The following DHX32 variants were observed in gnomAD, a reference collection of about 807,000 sequenced individuals.
DHX32 encodes the protein putative pre-mRNA-splicing factor ATP-dependent RNA helicase DHX32.
A neutral mutation model predicts 70.0 loss-of-function variants in DHX32; 51 were observed. That is an observed-to-expected ratio of 0.73 (90% CI 0.58 to 0.92). The LOEUF (loss-of-function observed/expected upper bound fraction) is 0.92, where lower values mean the gene tolerates loss of function less well. DHX32 is among the 40% of genes least tolerant of loss of function. The probability of loss-of-function intolerance (pLI) is 0.00; values close to 1 mark genes in which losing one functional copy is unlikely to be tolerated. For missense variants in DHX32, 762 were observed against 891.8 expected (o/e 0.85, Z 1.85); for synonymous variants, 310 against 315.3 (o/e 0.98, Z 0.18).
intron 1 of DHX32, among the ~76,000 whole-genome samples, chr10:125,895,807 G>A (rs1944479059): frequency 7.3e-6 from 1 of 136,616 alleles, no homozygotes. Flanking sequence ...CGGGGATGAC[G>A]GGGCAAAGCC....
chr10:125,860,086 A>G (rs1485062074), intron 2 of DHX32, 111 bp from the exon 3 acceptor site: 6 of 1,036,290 alleles, frequency 5.8e-6, no homozygotes, highest in Non-Finnish European at 6.7e-6. Context: ...CAGTAACTCT[A>G]AATTTTTACT....
intron 8 of DHX32, 26 bp from the exon 9 acceptor site, chr10:125,839,214 T>C: frequency 6.2e-7 from 1 of 1,606,536 alleles, no homozygotes; most frequent in Non-Finnish European, 8.5e-7. Context: ...CACAAGGCTA[T>C]TTAGAAATGA....
intron 1 of DHX32, among the ~76,000 whole-genome samples, chr10:125,874,465 AATATAAC>A (rs1449431275): frequency 6.9e-4 from 105 of 152,370 alleles, no homozygotes; most frequent in African/African-American, 2.5e-3. Flanking sequence ...GCTAGGTATT[AATATAAC>A]ATATAACATA....
At chr10:125,889,632 G>A (rs1944358344) in intron 1 of DHX32, among the ~76,000 whole-genome samples, 1 of 152,272 alleles carries the variant, frequency 6.6e-6, no homozygotes, top group South Asian at 2.1e-4. Context: ...TCTGGCACAA[G>A]CTCCGGATCT....
intron 6 of DHX32, among the ~76,000 whole-genome samples, chr10:125,846,743 C>T (rs1944026715): frequency 6.6e-6 from 1 of 152,196 alleles, no homozygotes; most frequent in Non-Finnish European, 1.5e-5. Context: ...ACTACTAACC[C>T]CAGTCACAGG....
intron 6 of DHX32, 144 bp from the exon 7 acceptor site, chr10:125,842,078 G>A (rs1055379738): frequency 9.3e-7 from 1 of 1,076,262 alleles, no homozygotes; most frequent in East Asian, 2.9e-5. Context: ...CAAATACCAG[G>A]GAGTGAAGGA....
chr10:125,879,324 C>A (rs1247624971), intron 1 of DHX32, among the ~76,000 whole-genome samples: 1 of 152,006 alleles, frequency 6.6e-6, no homozygotes, highest in African/African-American at 2.4e-5. Context: ...GCACCTGGCC[C>A]ACTATCCCGT....
intron 4 of DHX32, 27 bp from the exon 5 acceptor site, chr10:125,852,669 G>A (rs766216612): frequency 2.5e-6 from 4 of 1,578,664 alleles, no homozygotes; most frequent in South Asian, 1.2e-5. Context: ...AGCATCATTA[G>A]CGTCAGATAA....
At chr10:125,861,013 A>C (rs555692172) in intron 2 of DHX32, among the ~76,000 whole-genome samples, 2 of 151,726 alleles carry the variant, frequency 1.3e-5, no homozygotes, top group East Asian at 4.0e-4. Context: ...TGGCCTCCCA[A>C]AGTGCTGGGA....
chr10:125,867,209 A>G (rs1372445179), intron 1 of DHX32, 26 bp from the exon 2 acceptor site: 2 of 1,562,024 alleles, frequency 1.3e-6, no homozygotes, highest in Admixed American at 3.8e-5. Context: ...ATGAGACAGG[A>G]TCAGCTTCTG....
intron 3 of DHX32, among the ~76,000 whole-genome samples, chr10:125,856,794 C>A (rs970655147): frequency 4.2e-4 from 64 of 150,618 alleles, no homozygotes; most frequent in African/African-American, 1.4e-3. Context: ...AAAAAAAAAA[C>A]AAAAAACAAA....
At chr10:125,892,456 C>T (rs1387636235) in intron 1 of DHX32, among the ~76,000 whole-genome samples, 2 of 152,286 alleles carry the variant, frequency 1.3e-5, no homozygotes, top group African/African-American at 2.4e-5. Context: ...CCTTAGGTTC[C>T]TTCTGATTTG....
At position 125,880,571 on chromosome 10, in the gene DHX32, C is replaced by A; in HGVS notation, c.254G>T (p.Gly85Val). 6.2e-7 allele frequency: 1 copy of A among 1,612,192 alleles called. No homozygotes were observed. Among genetic ancestry groups the A allele is most frequent in the Non-Finnish European group, 8.5e-7 (1 of 1,178,656 alleles). Residue 85 changes from glycine (G) to valine (V), a missense_variant, in exon 1 of 11, where the codon GGA becomes GTA. Physicochemically the swap from Gly to Val is moderately radical, Grantham distance 109 (BLOSUM62 -3). Coordinates refer to ENST00000284690, the MANE Select transcript of DHX32 (RefSeq NM_018180.3). ...AGCGCTCTTACCACATTTAGCATCT[C>A]CTGAAACAATCACGATTTGATTTTG... ...LLQNQIVIVS[G>V]DAKCGKSAQV...
At chr10:125,838,624 C>G (rs927449373) in intron 9 of DHX32, among the ~76,000 whole-genome samples, 1 of 152,122 alleles carries the variant, frequency 6.6e-6, no homozygotes, top group African/African-American at 2.4e-5. Flanking sequence ...TAAAACAGTG[C>G]AGCTGTGAGG....
chr10:125,889,494 T>A (rs1022692323), intron 1 of DHX32, among the ~76,000 whole-genome samples: 1 of 152,226 alleles, frequency 6.6e-6, no homozygotes, highest in Admixed American at 6.5e-5. Flanking sequence ...TGCTGGTTTG[T>A]GGCAAGGTAA....
At chr10:125,853,561 T>C (rs969491794) in intron 4 of DHX32, 12 of 216,126 alleles carry the variant, frequency 5.6e-5, no homozygotes, top group Non-Finnish European at 1.1e-4. Flanking sequence ...AAGATACTAA[T>C]TACTCTGATA....
intron 1 of DHX32, among the ~76,000 whole-genome samples, chr10:125,870,606 G>A (rs191964089): frequency 2.1e-4 from 32 of 152,180 alleles, no homozygotes; most frequent in Admixed American, 9.8e-4. Flanking sequence ...AGGCCAAGGC[G>A]GGTGGATTAT....
chr10:125,853,810 A>G, intron 4 of DHX32, 151 bp downstream of exon 4: 3 of 850,378 alleles, frequency 3.5e-6, no homozygotes, highest in South Asian at 4.1e-5. Context: ...TACTGGCTGC[A>G]ATAATTCTTC....
Position 125,836,412 on chromosome 10 carries a change from C to T in DHX32, c.*275G>A. 1 of 1,473,642 alleles carries T rather than the reference C, an allele frequency of 6.8e-7. No individual in the cohort carries two copies. The highest frequency in any genetic ancestry group is 8.9e-7 in the Non-Finnish European group (1 of 1,117,908). 91.3% of individuals were successfully genotyped at this position (1,473,642 alleles called of 1,614,324 possible). A position where few individuals can be genotyped will look rare whatever the true frequency, so the allele number is the denominator to read the frequency against. On this transcript the variant is annotated 3_prime_UTR_variant, in exon 11 of 11. Transcript: ENST00000284690. ...AGGGTTCTGTCCCATGTGTCTCTGACACATTTACAAAATACCAGTTTTTTA... is the reference window on the plus strand; with the variant it reads ...AGGGTTCTGTCCCATGTGTCTCTGATACATTTACAAAATACCAGTTTTTTA...
Sources: gnomAD v4.1 joint callset for allele counts (sites outside exome capture counted in the v4.1 genomes callset) on GRCh38, gnomAD v4.1.1 for gene constraint, MANE v1.5 for transcripts, NCBI Gene and HGNC (gene_info 2026-07-23, HGNC 2026-07-21) for gene names.